The following KHDRBS1 variants were observed in gnomAD, a reference collection of about 807,000 sequenced individuals.
KHDRBS1 encodes the protein KH RNA binding domain containing, signal transduction associated 1, also known as KH domain-containing, RNA-binding, signal transduction-associated protein 1.
In KHDRBS1, 7 loss-of-function variants were observed where a neutral mutation model predicts 48.4. That is an observed-to-expected ratio of 0.14 (90% CI 0.08 to 0.27). KHDRBS1 has a LOEUF of 0.27. KHDRBS1 is among the 10% of genes least tolerant of loss of function. The pLI, the probability that KHDRBS1 is intolerant of heterozygous loss-of-function variation, is 1.00. For synonymous variants in KHDRBS1, 241 were observed against 235.8 expected, an observed-to-expected ratio of 1.02 and a Z score of -0.20; for missense variants, 458 against 601.2, an observed-to-expected ratio of 0.76 and a Z score of 2.49.
chr1:32,047,462 C>T (rs999023220), downstream of KHDRBS1, among the ~76,000 whole-genome samples: 5 of 152,206 alleles, frequency 3.3e-5, no homozygotes, highest in Admixed American at 2.6e-4. Flanking sequence ...CCCGGCCAGC[C>T]TGTGAACTTT....
rs548701319 is a variant in KHDRBS1, at chr1:32,016,764, G to A, written c.382+2387G>A. On this transcript the variant is annotated intron_variant, in intron 1 of 8. Coordinates refer to ENST00000327300, the MANE Select transcript of KHDRBS1 (RefSeq NM_006559.3). Reference sequence around the variant, plus strand: ...CTATCAGCATCTGTTGCACTATATTGTCGTTATGTACAGTATTTGTTTGTT... The same window carrying A: ...CTATCAGCATCTGTTGCACTATATTATCGTTATGTACAGTATTTGTTTGTT... 4.8e-4 allele frequency among the ~76,000 whole-genome samples: 73 copies of A among 152,156 alleles called. No homozygotes were observed. The South Asian group carries it at 0.015, about 31-fold the overall frequency.
chr1:32,028,741 G>T (rs1639024410), intron 1 of KHDRBS1, among the ~76,000 whole-genome samples: 1 of 151,098 alleles, frequency 6.6e-6, no homozygotes, highest in Middle Eastern at 3.2e-3. Flanking sequence ...TCCAGACCTT[G>T]TGATCCTCCT....
rs531334830 is a variant in KHDRBS1 at position 32,055,303 on chromosome 1, C to T, written n.1302-4860C>T. 2.5e-4 allele frequency among the ~76,000 whole-genome samples: 38 copies of T among 152,180 alleles called. 1 individual carries two copies. The South Asian group carries it at 7.7e-3, about 31-fold the overall frequency. On this transcript the variant is annotated intron_variant and non_coding_transcript_variant, in intron 10 of 10. Transcript: ENST00000484270. ...CCTCTACTAAAAATACAAAAATTAG[C>T]CGGACGTGGTGGCGCGCATCTGTAA...
chr1:32,036,886 A>G, intron 4 of KHDRBS1, 24 bp from the exon 5 acceptor site: 1 of 1,604,714 alleles, frequency 6.2e-7, no homozygotes, highest in Non-Finnish European at 8.5e-7. Context: ...ACCACACAAT[A>G]CTCCTTGTAT....
chr1:32,031,014 C>T (rs1639071643), intron 2 of KHDRBS1, among the ~76,000 whole-genome samples: 1 of 151,982 alleles, frequency 6.6e-6, no homozygotes, highest in Non-Finnish European at 1.5e-5. Context: ...TTTGGGAGGC[C>T]GATGCAGGCA....
intron 4 of KHDRBS1, among the ~76,000 whole-genome samples, chr1:32,033,923 A>G (rs1197036241): frequency 6.6e-6 from 1 of 152,204 alleles, no homozygotes; most frequent in Non-Finnish European, 1.5e-5. Flanking sequence ...TGAGGACTAG[A>G]TAGAGATGGG....
downstream of KHDRBS1, among the ~76,000 whole-genome samples, chr1:32,046,380 A>G (rs1163339492): frequency 6.6e-5 from 10 of 151,980 alleles, no homozygotes; most frequent in Admixed American, 6.5e-4. Flanking sequence ...CGCCTGGCTA[A>G]TTTTTGTATT....
intron 1 of KHDRBS1, among the ~76,000 whole-genome samples, chr1:32,020,406 A>G (rs1253446286): frequency 3.3e-5 from 5 of 150,828 alleles, no homozygotes; most frequent in Non-Finnish European, 7.4e-5. Flanking sequence ...AGCTTGGGCA[A>G]CAGTGAGATC....
At chr1:32,022,109 A>G (rs1033482038) in intron 1 of KHDRBS1, among the ~76,000 whole-genome samples, 18 of 152,018 alleles carry the variant, frequency 1.2e-4, no homozygotes, top group African/African-American at 4.4e-4. Context: ...CTGAGACTAC[A>G]GGAGCGCGCC....
intron 10 of KHDRBS1, among the ~76,000 whole-genome samples, chr1:32,057,920 C>T (rs1639498803): frequency 2.0e-5 from 3 of 151,482 alleles, no homozygotes; most frequent in Non-Finnish European, 4.4e-5. Context: ...AGTTCAAGAC[C>T]AGCCTGGCCA....
intron 3 of KHDRBS1, among the ~76,000 whole-genome samples, 180 bp from the exon 4 acceptor site, chr1:32,033,008 C>T (rs769668139): frequency 6.6e-6 from 1 of 152,100 alleles, no homozygotes; most frequent in Non-Finnish European, 1.5e-5. Context: ...CTTTCTTAAA[C>T]TTTACTGTTT....
At position 32,015,533 on chromosome 1, in the gene KHDRBS1, T is replaced by G. The variant is rs562080602; in HGVS notation, c.382+1156T>G. Reference sequence around the variant, plus strand: ...GTAAGGGATCTTTACCAGTGTGGTGTTCATCTTTTATGCTTTCTTAAGATA... The same window carrying G: ...GTAAGGGATCTTTACCAGTGTGGTGGTCATCTTTTATGCTTTCTTAAGATA... On this transcript the variant is annotated intron_variant, in intron 1 of 8. Coordinates refer to ENST00000327300, the MANE Select transcript of KHDRBS1 (RefSeq NM_006559.3). Among the ~76,000 whole-genome samples the G allele has an allele frequency of 5.9e-5, 9 of 152,338 alleles. No individual in the cohort carries two copies. The South Asian group carries it at 1.7e-3, about 28-fold the overall frequency.
At chr1:32,035,382 G>C (rs932333490) in intron 4 of KHDRBS1, among the ~76,000 whole-genome samples, 1 of 152,124 alleles carries the variant, frequency 6.6e-6, no homozygotes, top group African/African-American at 2.4e-5. Flanking sequence ...AGAGAGTTGA[G>C]GGGGGCATCA....
chr1:32,017,032 C>T (rs906241753), intron 1 of KHDRBS1, among the ~76,000 whole-genome samples: 2 of 152,158 alleles, frequency 1.3e-5, no homozygotes, highest in African/African-American at 2.4e-5. Context: ...CTGAGGCAGA[C>T]GGATCACTTG....
At chr1:32,044,886 C>G (rs924831177), downstream of KHDRBS1, among the ~76,000 whole-genome samples, 3 of 152,194 alleles carry the variant, frequency 2.0e-5, no homozygotes, top group Admixed American at 2.0e-4. Context: ...CAGCAACTTG[C>G]ATAAACAATT....
chr1:32,023,717 G>A (rs138654326), intron 1 of KHDRBS1, among the ~76,000 whole-genome samples: 23 of 152,164 alleles, frequency 1.5e-4, no homozygotes, highest in African/African-American at 3.1e-4. Context: ...CTAGCTCTCC[G>A]GGGAAAGCAA....
intron 1 of KHDRBS1, among the ~76,000 whole-genome samples, chr1:32,016,952 T>C (rs774886361): frequency 7.2e-5 from 11 of 152,108 alleles, no homozygotes; most frequent in Non-Finnish European, 1.5e-4. Context: ...TCATTGAAGA[T>C]GGGACTGATG....
chr1:32,025,243 T>G, intron 1 of KHDRBS1, among the ~76,000 whole-genome samples: 1 of 135,302 alleles, frequency 7.4e-6, no homozygotes, highest in African/African-American at 2.8e-5. Context: ...CCAGCCTGGG[T>G]GACAGAGTGA....
chr1:32,014,191 C>T lies in KHDRBS1; in HGVS notation c.196C>T (p.Leu66=). The change falls in exon 1 of 9, where the codon CTG becomes TTG. Residue 66 remains leucine (L), a synonymous_variant. Coordinates refer to ENST00000327300, the MANE Select transcript of KHDRBS1 (RefSeq NM_006559.3). ...CTCGCCCGCCACGCAGCCGCCACCG[C>T]TGCTGCCGCCCTCGGCCACGGGTCC... The part of the protein sequence containing the change: ...RASPATQPPP[L]LPPSATGPDA... The T allele has an allele frequency of 2.2e-6, 3 of 1,367,692 alleles. No homozygotes were observed. Among genetic ancestry groups the T allele is most frequent in the Non-Finnish European group, 1.9e-6 (2 of 1,052,352 alleles). 84.7% of individuals were successfully genotyped at this position (1,367,692 alleles called of 1,614,324 possible).
Sources: gnomAD v4.1 joint callset for allele counts (sites outside exome capture counted in the v4.1 genomes callset) on GRCh38, gnomAD v4.1.1 for gene constraint, MANE v1.5 for transcripts, NCBI Gene and HGNC (gene_info 2026-07-23, HGNC 2026-07-21) for gene names.